Variants in WDR41 observed in about 807,000 individuals in gnomAD.
WDR41 encodes WD repeat domain 41, also known as WD repeat-containing protein 41.
Under a neutral mutation model 69.3 loss-of-function variants are expected in WDR41, and 63 were observed. That is an observed-to-expected ratio of 0.91 (90% CI 0.74 to 1.12). The LOEUF (loss-of-function observed/expected upper bound fraction) is 1.12, where lower values mean the gene tolerates loss of function less well. Ranked by LOEUF, WDR41 falls within the 50% of genes most tolerant of loss-of-function variation. The pLI is 0.00. For missense variants in WDR41, 543 were observed against 534.5 expected, an observed-to-expected ratio of 1.02 and a Z score of -0.16; for synonymous variants, 185 against 192.1, an observed-to-expected ratio of 0.96 and a Z score of 0.31.
chr5:77,447,723 C>T (rs1799441098), intron 8 of WDR41, among the ~76,000 whole-genome samples: 1 of 152,086 alleles, frequency 6.6e-6, no homozygotes, highest in Admixed American at 6.5e-5. Flanking sequence ...ACAATGAGAA[C>T]ATATGGACAC....
chr5:77,498,249 A>G (rs949557899), intron 1 of WDR41, among the ~76,000 whole-genome samples: 7 of 152,240 alleles, frequency 4.6e-5, no homozygotes, highest in African/African-American at 1.7e-4. Context: ...ATATGTTAGT[A>G]TATTTTACCA....
At position 77,470,312 on chromosome 5, in the gene WDR41, C is replaced by T. The variant is rs562486523; in HGVS notation, c.168-5503G>A. On this transcript the variant is annotated intron_variant, in intron 2 of 12. Coordinates refer to ENST00000296679, the MANE Select transcript of WDR41 (RefSeq NM_018268.4). The stretch of plus-strand genomic sequence containing the variant: ...ATGGAAAGGAACAACCGATACCAGC[C>T]ACTGCAAAAACATGCCAAATTGTAA... 9.9e-5 allele frequency among the ~76,000 whole-genome samples: 15 copies of T among 152,284 alleles called. No individual in the cohort carries two copies. In the South Asian group the frequency reaches 3.1e-3, roughly 32 times the overall value.
intron 4 of WDR41, among the ~76,000 whole-genome samples, chr5:77,460,543 T>C (rs1800009663): frequency 1.3e-5 from 2 of 152,186 alleles, no homozygotes; most frequent in African/African-American, 2.4e-5. Flanking sequence ...TTAAGGAAGT[T>C]AGTTTTTACA....
rs970448070 is a variant in WDR41 at position 77,539,033 on chromosome 5, G to A, written c.43-49461C>T. On this transcript the variant is annotated intron_variant, in intron 1 of 5. Coordinates refer to the WDR41 transcript ENST00000509971. ...CCAGCCTGGTAGGGGCTCTCTTCCT[G>A]GTTTGCAGGTGGCCATCTTGCTGTA... 1.1e-4 allele frequency among the ~76,000 whole-genome samples: 16 copies of A among 152,110 alleles called. 1 individual carries two copies. The highest frequency in any genetic ancestry group is 2.0e-4 in the Admixed American group (3 of 15,276).
intron 1 of WDR41, among the ~76,000 whole-genome samples, chr5:77,561,793 G>A (rs533989142): frequency 6.6e-6 from 1 of 152,196 alleles, no homozygotes; most frequent in African/African-American, 2.4e-5. Flanking sequence ...TGTTTCTGAT[G>A]ATTTTATATC....
intron 1 of WDR41, among the ~76,000 whole-genome samples, chr5:77,613,338 C>T (rs1744605331): frequency 1.3e-5 from 2 of 152,034 alleles, no homozygotes; most frequent in South Asian, 4.2e-4. Context: ...CATCGCCAAG[C>T]CAATCCTAAG....
At chr5:77,475,461 C>G (rs1800867167) in intron 2 of WDR41, among the ~76,000 whole-genome samples, 1 of 152,212 alleles carries the variant, frequency 6.6e-6, no homozygotes, top group Non-Finnish European at 1.5e-5. Context: ...TCCCAGCACG[C>G]AGCTGGAGAT....
intron 2 of WDR41, among the ~76,000 whole-genome samples, chr5:77,469,430 G>C (rs1800459832): frequency 6.6e-6 from 1 of 152,074 alleles, no homozygotes; most frequent in African/African-American, 2.4e-5. Context: ...ACTTTCCTCT[G>C]TTGTCATCTA....
At chr5:77,448,713 C>T (rs763438498) in intron 8 of WDR41, among the ~76,000 whole-genome samples, 1 of 151,806 alleles carries the variant, frequency 6.6e-6, no homozygotes, top group Non-Finnish European at 1.5e-5. Flanking sequence ...ACTAAAAATA[C>T]AAAAATTAGC....
chr5:77,558,094 TAA>T (rs71608105), intron 1 of WDR41, among the ~76,000 whole-genome samples: 19,790 of 104,936 alleles, frequency 0.19, 1,785 homozygotes, highest in South Asian at 0.34. Flanking sequence ...ATGTTCTTTT[TAA>T]AAAAAAAAAA....
chr5:77,519,318 G>A (rs1293693570), intron 1 of WDR41, among the ~76,000 whole-genome samples: 2 of 151,726 alleles, frequency 1.3e-5, no homozygotes, highest in Non-Finnish European at 2.9e-5. Context: ...AACTATACTT[G>A]AGCAGTAGAC....
chr5:77,475,543 A>AC (rs779297993), intron 2 of WDR41, among the ~76,000 whole-genome samples: 7 of 151,854 alleles, frequency 4.6e-5, no homozygotes, highest in Non-Finnish European at 1.0e-4. Flanking sequence ...ACTGGGAGGC[A>AC]CCCCCCAGAA....
At chr5:77,512,820 G>C (rs1802231001) in intron 1 of WDR41, among the ~76,000 whole-genome samples, 1 of 150,166 alleles carries the variant, frequency 6.7e-6, no homozygotes, top group African/African-American at 2.4e-5. Flanking sequence ...TTAAAATTCT[G>C]AACACTGAAA....
At chr5:77,466,274 C>T (rs927870600) in intron 2 of WDR41, among the ~76,000 whole-genome samples, 2 of 151,750 alleles carry the variant, frequency 1.3e-5, no homozygotes, top group Non-Finnish European at 3.0e-5. Context: ...AAATAGATTT[C>T]CTATGCTTAA....
chr5:77,526,295 C>T (rs952116056), intron 1 of WDR41, among the ~76,000 whole-genome samples: 1 of 151,550 alleles, frequency 6.6e-6, no homozygotes, highest in African/African-American at 2.4e-5. Flanking sequence ...TCTGTGTGTT[C>T]TCTAAAAAAT....
intron 1 of WDR41, among the ~76,000 whole-genome samples, chr5:77,498,985 G>A (rs192191138): frequency 6.6e-6 from 1 of 152,094 alleles, no homozygotes; most frequent in African/African-American, 2.4e-5. Context: ...TAAAAAATAA[G>A]CAATAGACTA....
chr5:77,577,473 T>C (rs963845727), intron 1 of WDR41, among the ~76,000 whole-genome samples: 2 of 152,000 alleles, frequency 1.3e-5, no homozygotes, highest in African/African-American at 4.8e-5. Flanking sequence ...TTCACACTAA[T>C]CAGAATTGCA....
intron 8 of WDR41, among the ~76,000 whole-genome samples, chr5:77,443,006 T>C (rs922342249): frequency 4.6e-5 from 7 of 151,522 alleles, no homozygotes; most frequent in African/African-American, 1.2e-4. Flanking sequence ...ATAAATGTAA[T>C]TTATTTAAAT....
At chr5:77,565,180 A>G (rs1449450451) in intron 1 of WDR41, among the ~76,000 whole-genome samples, 2 of 152,176 alleles carry the variant, frequency 1.3e-5, no homozygotes, top group Non-Finnish European at 2.9e-5. Context: ...AAAGCTCTCC[A>G]GTTGATTCTC....
Sources: gnomAD v4.1 joint callset for allele counts (sites outside exome capture counted in the v4.1 genomes callset) on GRCh38, gnomAD v4.1.1 for gene constraint, MANE v1.5 for transcripts, NCBI Gene and HGNC (gene_info 2026-07-23, HGNC 2026-07-21) for gene names.